Variants in FER observed in about 807,000 individuals in gnomAD.
FER encodes tyrosine-protein kinase Fer.
A neutral mutation model predicts 111.0 loss-of-function variants in FER; 63 were observed. The observed-to-expected ratio is 0.57, with a 90% CI of 0.46 to 0.70. FER has a LOEUF of 0.70. Among genes scored for constraint, FER ranks in the 30% least tolerant of loss-of-function variants. FER has a pLI of 0.00. For missense variants in FER, 914 were observed against 954.0 expected (o/e 0.96, Z 0.55); for synonymous variants, 327 against 313.9 (o/e 1.04, Z -0.44).
At chr5:109,168,158 C>T (rs1170161774) in intron 17 of FER, among the ~76,000 whole-genome samples, 2 of 152,098 alleles carry the variant, frequency 1.3e-5, no homozygotes, top group Non-Finnish European at 2.9e-5. Context: ...TAAATGAATT[C>T]TAGTAATGTC....
intron 17 of FER, among the ~76,000 whole-genome samples, chr5:109,175,224 G>T (rs538606482): frequency 6.6e-6 from 1 of 152,142 alleles, no homozygotes. Flanking sequence ...TATGATGAAC[G>T]TACAGTTTTG....
intron 6 of FER, among the ~76,000 whole-genome samples, chr5:108,869,001 T>G (rs958542800): frequency 6.6e-6 from 1 of 152,082 alleles, no homozygotes; most frequent in Non-Finnish European, 1.5e-5. Context: ...CATTTTTTTT[T>G]GTGCATAAAA....
intron 16 of FER, among the ~76,000 whole-genome samples, chr5:109,066,841 G>A (rs1775150806): frequency 6.6e-6 from 1 of 152,106 alleles, no homozygotes; most frequent in Non-Finnish European, 1.5e-5. Context: ...CACTGTAATG[G>A]GAGAAACATA....
At chr5:109,049,761 T>C (rs983164697) in intron 16 of FER, among the ~76,000 whole-genome samples, 18 of 152,186 alleles carry the variant, frequency 1.2e-4, no homozygotes, top group African/African-American at 3.9e-4. Flanking sequence ...TAGAAAAGTG[T>C]CATACTCAGC....
intron 18 of FER, among the ~76,000 whole-genome samples, chr5:109,184,342 T>C (rs949247582): frequency 2.0e-5 from 3 of 152,160 alleles, no homozygotes; most frequent in African/African-American, 7.2e-5. Context: ...ATAAGAACAA[T>C]AGGACCTTTT....
chr5:109,106,114 TA>T (rs1341844074), intron 17 of FER, among the ~76,000 whole-genome samples: 1 of 152,154 alleles, frequency 6.6e-6, no homozygotes, highest in East Asian at 1.9e-4. Context: ...ACAACAGAGG[TA>T]TCTTCTGATT....
At chr5:109,100,605 T>TC in intron 17 of FER, 86 bp downstream of exon 17, 1 of 1,324,304 alleles carries the variant, frequency 7.6e-7, no homozygotes, top group Non-Finnish European at 1.0e-6. Flanking sequence ...GAAGTCATTT[T>TC]CTTTCATGAA....
intron 13 of FER, among the ~76,000 whole-genome samples, chr5:108,974,798 C>T (rs1454150811): frequency 1.3e-5 from 2 of 152,152 alleles, no homozygotes; most frequent in African/African-American, 2.4e-5. Flanking sequence ...TGATGACAGC[C>T]TCTAGAAACT....
rs1280300006 is a variant in FER, at chr5:108,845,061, T to C, written c.481+9254T>C. Among the ~76,000 whole-genome samples the C allele has an allele frequency of 7.8e-3, 470 of 59,922 alleles. 12 individuals carry two copies. The highest frequency in any genetic ancestry group is 0.03 in the African/African-American group (392 of 13,274). The allele number at this position is 59,922 out of a possible 152,430, so 39.3% of individuals were successfully genotyped here. A position where few individuals can be genotyped will look rare whatever the true frequency, so the allele number is the denominator to read the frequency against. ...ATATACATATATATATATATATATA[T>C]ATATATACACACACACACACACACA... On this transcript the variant is annotated intron_variant, in intron 5 of 19. Coordinates refer to ENST00000281092, the MANE Select transcript of FER (RefSeq NM_005246.4).
chr5:109,064,317 A>G (rs954813533), intron 16 of FER, among the ~76,000 whole-genome samples: 2 of 151,994 alleles, frequency 1.3e-5, no homozygotes, highest in Non-Finnish European at 2.9e-5. Context: ...TTAGTAGGCC[A>G]CTGTTTTTTT....
intron 17 of FER, among the ~76,000 whole-genome samples, chr5:109,144,719 A>T (rs1753889494): frequency 6.6e-6 from 1 of 152,044 alleles, no homozygotes; most frequent in African/African-American, 2.4e-5. Flanking sequence ...GGCCAGAGAG[A>T]TGTTACCAAA....
chr5:108,758,162 A>T (rs1373482785), intron 1 of FER, among the ~76,000 whole-genome samples: 4 of 152,162 alleles, frequency 2.6e-5, no homozygotes, highest in Admixed American at 2.6e-4. Flanking sequence ...TGATTCTTCC[A>T]TTTTCGGTCT....
intron 5 of FER, among the ~76,000 whole-genome samples, chr5:108,841,391 A>G (rs906676089): frequency 2.6e-5 from 4 of 152,238 alleles, no homozygotes; most frequent in Admixed American, 2.0e-4. Context: ...TTGTGAATCC[A>G]TAAAGCTTGT....
At chr5:109,054,685 G>T (rs554831215) in intron 16 of FER, among the ~76,000 whole-genome samples, 19 of 148,764 alleles carry the variant, frequency 1.3e-4, no homozygotes, top group Non-Finnish European at 2.3e-4. Flanking sequence ...GGTCCTAAAA[G>T]TTGTTTCTTA....
intron 16 of FER, among the ~76,000 whole-genome samples, chr5:109,093,655 T>G (rs1324802549): frequency 6.6e-6 from 1 of 152,190 alleles, no homozygotes; most frequent in Non-Finnish European, 1.5e-5. Flanking sequence ...TGTTGACATT[T>G]GTAAATATTT....
Position 108,954,872 on chromosome 5 carries a change from A to G in FER, c.1473A>G (p.Glu491=). 6.2e-7 allele frequency: 1 copy of G among 1,611,712 alleles called. No homozygotes were observed. The highest frequency in any genetic ancestry group is 8.5e-7 in the Non-Finnish European group (1 of 1,179,056). ...LVRESHGKPG[E]YVLSVYSDGQ... is the part of the protein sequence containing the mutation. ...GAGAGAGTCATGGGAAACCTGGTGA[A>G]TATGTCCTTTCTGTATATTCTGATG... Residue 491 remains glutamate, a synonymous_variant, in exon 12 of 20, where the codon GAA becomes GAG. Coordinates refer to ENST00000281092, the MANE Select transcript of FER (RefSeq NM_005246.4).
At chr5:109,044,559 C>G (rs1050758777) in intron 14 of FER, 121 bp from the exon 15 acceptor site, 1 of 542,046 alleles carries the variant, frequency 1.8e-6, no homozygotes, top group African/African-American at 1.9e-5. Context: ...GAAATTAGTT[C>G]ATCACTGGTG....
At chr5:108,871,539 A>G (rs777057295) in intron 7 of FER, 37 bp downstream of exon 7, 1 of 1,495,196 alleles carries the variant, frequency 6.7e-7, no homozygotes, top group Non-Finnish European at 9.0e-7. Flanking sequence ...GATTTATGAC[A>G]GTATTATTTT....
At chr5:108,794,522 C>A (rs1431722013) in intron 2 of FER, among the ~76,000 whole-genome samples, 1 of 25,948 alleles carries the variant, frequency 3.9e-5, no homozygotes, top group Admixed American at 5.0e-4. Flanking sequence ...CTTGCCCCCT[C>A]CGCACCCCCC....
Sources: gnomAD v4.1 joint callset for allele counts (sites outside exome capture counted in the v4.1 genomes callset) on GRCh38, gnomAD v4.1.1 for gene constraint, MANE v1.5 for transcripts, NCBI Gene and HGNC (gene_info 2026-07-23, HGNC 2026-07-21) for gene names.